DNAAF11: variants seen among roughly 807,000 people sequenced by gnomAD.
The protein encoded by DNAAF11 is dynein axonemal assembly factor 11.
DNAAF11 carries 45 observed loss-of-function variants against 60.8 expected under a neutral mutation model. That is an observed-to-expected ratio of 0.74 (90% confidence interval 0.58 to 0.95). DNAAF11 has a LOEUF of 0.95. Ranked by LOEUF, DNAAF11 falls within the 40% of genes least tolerant of loss-of-function variation. The pLI is 0.00. For missense variants in DNAAF11, 546 were observed against 546.2 expected (o/e 1.00, Z 0.00); for synonymous variants, 191 against 183.5 (o/e 1.04, Z -0.33).
chr8:132,634,622 G>A (rs998165190), intron 4 of DNAAF11, among the ~76,000 whole-genome samples: 1 of 151,164 alleles, frequency 6.6e-6, no homozygotes, highest in African/African-American at 2.4e-5. Context: ...TACTTATTTT[G>A]TAAGTATATA....
At chr8:132,611,414 G>T in intron 8 of DNAAF11, 51 bp from the exon 9 acceptor site, 3 of 1,072,176 alleles carry the variant, frequency 2.8e-6, no homozygotes, top group South Asian at 2.7e-5. Context: ...TATCAAGTTT[G>T]AATAAGTGCA....
At chr8:132,592,616 G>A (rs896863863) in intron 10 of DNAAF11, among the ~76,000 whole-genome samples, 1 of 152,076 alleles carries the variant, frequency 6.6e-6, no homozygotes, top group Non-Finnish European at 1.5e-5. Flanking sequence ...AGGAGAAACT[G>A]GCACCATAAA....
upstream of DNAAF11, among the ~76,000 whole-genome samples, chr8:132,676,479 C>T (rs1825765300): frequency 6.6e-6 from 1 of 152,276 alleles, no homozygotes; most frequent in Admixed American, 6.5e-5. Flanking sequence ...TTCTCCCATC[C>T]CAGTCGTTTT....
chr8:132,620,903 G>C (rs1221223104), intron 7 of DNAAF11, among the ~76,000 whole-genome samples: 1 of 152,194 alleles, frequency 6.6e-6, no homozygotes, highest in African/African-American at 2.4e-5. Context: ...AGCTGGAGAA[G>C]TGAGCCGGTT....
intron 10 of DNAAF11, among the ~76,000 whole-genome samples, chr8:132,602,013 G>T (rs1410303295): frequency 6.6e-6 from 1 of 151,596 alleles, no homozygotes; most frequent in African/African-American, 2.4e-5. Context: ...TCTATTCTAT[G>T]TGTTCTTACT....
At chr8:132,643,616 T>C (rs1586671754) in intron 3 of DNAAF11, 3 of 455,938 alleles carry the variant, frequency 6.6e-6, no homozygotes, top group South Asian at 1.5e-5. Context: ...TAGGAGAAAA[T>C]TGAGAACCTT....
chr8:132,632,153 T>A (rs1365023656), intron 5 of DNAAF11, among the ~76,000 whole-genome samples: 1 of 152,228 alleles, frequency 6.6e-6, no homozygotes, highest in Non-Finnish European at 1.5e-5. Flanking sequence ...ATTTTATAAT[T>A]ATTATTTTCT....
chr8:132,576,889 G>T (rs1466403862), intron 11 of DNAAF11, among the ~76,000 whole-genome samples: 1 of 152,152 alleles, frequency 6.6e-6, no homozygotes, highest in Non-Finnish European at 1.5e-5. Context: ...GAAGGGAGAG[G>T]GGCAGGGGTC....
chr8:132,579,000 A>G lies in DNAAF11; in HGVS notation c.1226+4694T>C, dbSNP rs114921456. Among the ~76,000 whole-genome samples the G allele has an allele frequency of 4.9e-3, 741 of 152,364 alleles. 12 individuals carry two copies. The highest frequency in any genetic ancestry group is 0.017 in the African/African-American group (713 of 41,596). On this transcript the variant is annotated intron_variant, in intron 11 of 11. Transcript: ENST00000620350. Reference sequence around the variant, plus strand: ...AAGTAAATGCCCACTGCTCACCTCCACAAGGCACTTCGAGGAAAGCTGCTT... The same window carrying G: ...AAGTAAATGCCCACTGCTCACCTCCGCAAGGCACTTCGAGGAAAGCTGCTT...
chr8:132,570,464 A>C lies in DNAAF11; in HGVS notation c.*1842T>G, dbSNP rs1563946958. Among the ~76,000 whole-genome samples the C allele has an allele frequency of 6.6e-6, 1 of 152,202 alleles. No homozygotes were observed. Among genetic ancestry groups the C allele is most frequent in the Non-Finnish European group, 1.5e-5 (1 of 68,044 alleles). ...GGATAATTCTATTAGTTTGGTCAAAAGTATAATTTTGCTTTCTCTCTATGT... is the reference window on the plus strand; with the variant it reads ...GGATAATTCTATTAGTTTGGTCAAACGTATAATTTTGCTTTCTCTCTATGT... On this transcript the variant is annotated 3_prime_UTR_variant, in exon 12 of 12. Transcript: ENST00000620350.
At chr8:132,652,274 C>T (rs1411594483) in intron 3 of DNAAF11, among the ~76,000 whole-genome samples, 4 of 152,168 alleles carry the variant, frequency 2.6e-5, no homozygotes, top group African/African-American at 9.7e-5. Context: ...GCAAGCAGAA[C>T]CTCACAACTG....
intron 4 of DNAAF11, 78 bp from the exon 5 acceptor site, chr8:132,633,041 A>T: frequency 1.2e-6 from 1 of 804,166 alleles, no homozygotes; most frequent in East Asian, 2.6e-5. Flanking sequence ...TTTTGATTAG[A>T]AATAATAATA....
intron 1 of DNAAF11, among the ~76,000 whole-genome samples, chr8:132,670,710 C>A (rs541285533): frequency 6.6e-6 from 1 of 152,010 alleles, no homozygotes; most frequent in East Asian, 1.9e-4. Flanking sequence ...AAATCCTAAG[C>A]AAAAAAATTT....
chr8:132,657,478 C>A (rs112429094), intron 2 of DNAAF11, among the ~76,000 whole-genome samples: 16 of 152,248 alleles, frequency 1.1e-4, no homozygotes, highest in Middle Eastern at 3.4e-3. Flanking sequence ...ATCAACCAAC[C>A]CTGACTGACT....
intron 1 of DNAAF11, among the ~76,000 whole-genome samples, chr8:132,668,932 C>T (rs909025636): frequency 2.0e-5 from 3 of 152,172 alleles, no homozygotes; most frequent in Non-Finnish European, 2.9e-5. Context: ...GCTGTCTCAG[C>T]GAAGAGATTG....
At chr8:132,702,512 T>C in the DNAAF11 span, among the ~76,000 whole-genome samples, 1 of 152,124 alleles carries the variant, frequency 6.6e-6, no homozygotes, top group Non-Finnish European at 1.5e-5. Flanking sequence ...ACCTAATAAC[T>C]GAAAAATTTC....
At chr8:132,669,287 A>G (rs1002374473) in intron 1 of DNAAF11, among the ~76,000 whole-genome samples, 2 of 152,216 alleles carry the variant, frequency 1.3e-5, no homozygotes, top group Non-Finnish European at 1.5e-5. Context: ...CTAAGATAGG[A>G]TTTTGGAGTC....
At chr8:132,629,359 T>C (rs552310810) in intron 5 of DNAAF11, among the ~76,000 whole-genome samples, 6 of 151,758 alleles carry the variant, frequency 4.0e-5, no homozygotes, top group Admixed American at 1.3e-4. Flanking sequence ...TTTTCTTTTT[T>C]TTTTTTAAGA....
intron 4 of DNAAF11, among the ~76,000 whole-genome samples, chr8:132,635,146 C>A (rs1563659362): frequency 6.6e-6 from 1 of 152,070 alleles, no homozygotes; most frequent in Non-Finnish European, 1.5e-5. Flanking sequence ...TTAGTGATTT[C>A]TGTTAGTCTT....
Sources: gnomAD v4.1 joint callset for allele counts (sites outside exome capture counted in the v4.1 genomes callset) on GRCh38, gnomAD v4.1.1 for gene constraint, MANE v1.5 for transcripts, NCBI Gene and HGNC (gene_info 2026-07-23, HGNC 2026-07-21) for gene names.